The following BCAR3 variants were observed in gnomAD, a reference collection of about 807,000 sequenced individuals.
BCAR3 encodes BCAR3 adaptor protein, NSP family member, also known as breast cancer anti-estrogen resistance protein 3.
Under a neutral mutation model 80.1 loss-of-function variants are expected in BCAR3, and 37 were observed. The observed-to-expected ratio is 0.46, with a 90% CI of 0.36 to 0.61. The LOEUF (loss-of-function observed/expected upper bound fraction) is 0.61. Ranked by LOEUF, BCAR3 falls within the 20% of genes least tolerant of loss-of-function variation. BCAR3 has a pLI of 0.00. For synonymous variants in BCAR3, 389 were observed against 418.9 expected (o/e 0.93, Z 0.87); for missense variants, 978 against 1,068.2 (o/e 0.92, Z 1.18).
chr1:93,731,373 T>C lies in BCAR3; in HGVS notation c.-62-25231A>G, dbSNP rs142495396. ...ACAGGGAAACTGAGTGAGGATTCTA[T>C]GGGAATTTCCTGTACTATCTTTGCA... On this transcript the variant is annotated intron_variant, in intron 2 of 13. Coordinates refer to the BCAR3 transcript ENST00000370244. Among the ~76,000 whole-genome samples, 818 of 152,360 alleles carry C rather than the reference T, an allele frequency of 5.4e-3. 4 individuals carry two copies. Among genetic ancestry groups the C allele is most frequent in the South Asian group, 0.032 (157 of 4,832 alleles).
chr1:93,642,385 T>C lies in BCAR3; in HGVS notation c.318-42A>G, dbSNP rs377627644. The C allele has an allele frequency of 3.8e-5, 59 of 1,554,876 alleles. No homozygotes were observed. The African/African-American group carries it at 7.7e-4, about 20-fold the overall frequency. ...TAAATATGAGAATGGTTGGGAACGA[T>C]GCATTCTTACATTGAGTATAATGTG... On this transcript the variant is annotated intron_variant, in intron 2 of 11. Transcript: ENST00000260502.
intron 2 of BCAR3, among the ~76,000 whole-genome samples, chr1:93,724,927 T>G (rs536860380): frequency 2.0e-5 from 3 of 152,080 alleles, no homozygotes; most frequent in Non-Finnish European, 4.4e-5. Flanking sequence ...GGGGTTTCAG[T>G]ACTTGAAACT....
intron 2 of BCAR3, among the ~76,000 whole-genome samples, chr1:93,842,263 T>C (rs1477253821): frequency 6.6e-6 from 1 of 151,960 alleles, no homozygotes; most frequent in African/African-American, 2.4e-5. Context: ...GCAGTCCTCC[T>C]GTCTCAGCCT....
chr1:93,583,124 G>T (rs1673787241), intron 6 of BCAR3, among the ~76,000 whole-genome samples, 171 bp from the exon 7 acceptor site: 1 of 152,198 alleles, frequency 6.6e-6, no homozygotes, highest in Non-Finnish European at 1.5e-5. Flanking sequence ...ATCTCAGGGA[G>T]TCTACAGCAT....
intron 2 of BCAR3, among the ~76,000 whole-genome samples, chr1:93,764,387 T>G (rs1230584978): frequency 1.3e-5 from 2 of 152,006 alleles, no homozygotes; most frequent in Non-Finnish European, 2.9e-5. Flanking sequence ...TGTCCCAGTC[T>G]CTGACACCGC....
At chr1:93,740,018 A>G (rs1651123369) in intron 2 of BCAR3, among the ~76,000 whole-genome samples, 1 of 150,912 alleles carries the variant, frequency 6.6e-6, no homozygotes, top group African/African-American at 2.4e-5. Context: ...CCTGGGTGAC[A>G]GAGTGAAACT....
At chr1:93,736,807 GA>G (rs2100690929) in intron 2 of BCAR3, among the ~76,000 whole-genome samples, 1 of 152,326 alleles carries the variant, frequency 6.6e-6, no homozygotes, top group African/African-American at 2.4e-5. Flanking sequence ...GCAAAGCTAT[GA>G]AAATAAAAAA....
chr1:93,762,934 C>A (rs1017159581), intron 2 of BCAR3, among the ~76,000 whole-genome samples: 1 of 152,222 alleles, frequency 6.6e-6, no homozygotes, highest in African/African-American at 2.4e-5. Context: ...TGTCAAATGA[C>A]CACTCCTTGC....
intron 3 of BCAR3, among the ~76,000 whole-genome samples, chr1:93,597,040 C>T (rs1674443263): frequency 6.6e-6 from 1 of 152,180 alleles, no homozygotes; most frequent in South Asian, 2.1e-4. Context: ...GCAGGCAGGG[C>T]TCATATCTTG....
chr1:93,731,504 C>T (rs1325451837), intron 2 of BCAR3, among the ~76,000 whole-genome samples: 3 of 152,074 alleles, frequency 2.0e-5, no homozygotes, highest in Non-Finnish European at 4.4e-5. Context: ...CTGCTCCGCC[C>T]TCCAATTAAC....
intron 3 of BCAR3, among the ~76,000 whole-genome samples, chr1:93,604,297 C>T (rs975963706): frequency 3.9e-5 from 6 of 152,194 alleles, no homozygotes; most frequent in African/African-American, 9.7e-5. Flanking sequence ...CCCTAGAGAT[C>T]CCAAATCTAA....
At chr1:93,686,891 G>C (rs1304808734) in intron 3 of BCAR3, among the ~76,000 whole-genome samples, 1 of 152,152 alleles carries the variant, frequency 6.6e-6, no homozygotes, top group Non-Finnish European at 1.5e-5. Flanking sequence ...GAAGACTCAG[G>C]TACCACAAAC....
intron 2 of BCAR3, among the ~76,000 whole-genome samples, chr1:93,721,661 A>G (rs1368783261): frequency 3.3e-5 from 5 of 152,142 alleles, no homozygotes; most frequent in Admixed American, 2.6e-4. Flanking sequence ...ACGACCCCTC[A>G]CCAAGCCCAT....
rs1234190434 is a variant in BCAR3, at chr1:93,825,267, C to T, written c.-63+20300G>A. Among the ~76,000 whole-genome samples, 4 of 133,368 alleles carry T rather than the reference C, an allele frequency of 3.0e-5. 1 individual carries two copies. Among genetic ancestry groups the T allele is most frequent in the Non-Finnish European group, 5.1e-5 (3 of 59,152 alleles). The allele number at this position is 133,368 out of a possible 152,430, so 87.5% of individuals were successfully genotyped here. On this transcript the variant is annotated intron_variant, in intron 2 of 13. Coordinates refer to the BCAR3 transcript ENST00000370244. ...TGCCAGCTCTGAGTGTCCACTTGGC[C>T]GGCAGCTTCCCCCAGCACAGCTATC... is the stretch of plus-strand genomic sequence containing the variant.
intron 9 of BCAR3, among the ~76,000 whole-genome samples, chr1:93,570,052 G>A (rs927010126): frequency 7.9e-5 from 12 of 152,114 alleles, no homozygotes; most frequent in Admixed American, 5.9e-4. Context: ...CAGAACTTAT[G>A]GGCTGCTTAT....
chr1:93,810,060 G>A (rs1390057666), intron 2 of BCAR3, among the ~76,000 whole-genome samples: 7 of 151,718 alleles, frequency 4.6e-5, no homozygotes. Flanking sequence ...AGGCATGGTG[G>A]CATGTGCCTG....
At chr1:93,664,189 G>T (rs558306037) in intron 2 of BCAR3, among the ~76,000 whole-genome samples, 1 of 152,078 alleles carries the variant, frequency 6.6e-6, no homozygotes, top group African/African-American at 2.4e-5. Flanking sequence ...GCAGGATCTC[G>T]GCTCACTGCA....
At chr1:93,610,633 C>G (rs1395493277) in intron 3 of BCAR3, among the ~76,000 whole-genome samples, 1 of 152,144 alleles carries the variant, frequency 6.6e-6, no homozygotes, top group African/African-American at 2.4e-5. Context: ...CGTCAATTGT[C>G]TTAATATAGT....
At chr1:93,781,657 A>G (rs557539310) in intron 2 of BCAR3, among the ~76,000 whole-genome samples, 1 of 152,316 alleles carries the variant, frequency 6.6e-6, no homozygotes, top group Admixed American at 6.5e-5. Flanking sequence ...TTGCCTATCT[A>G]CAAAGCCCAA....
Sources: allele counts gnomAD v4.1 joint callset (sites outside exome capture counted in the v4.1 genomes callset), GRCh38; gene constraint gnomAD v4.1.1; transcripts MANE v1.5; gene names NCBI Gene and HGNC (gene_info 2026-07-23, HGNC 2026-07-21).